The following HDAC9 variants were observed in gnomAD, a reference collection of about 807,000 sequenced individuals.
HDAC9 encodes MEF-2 interacting transcription repressor (MITR) protein.
A neutral mutation model predicts 139.4 loss-of-function variants in HDAC9; 41 were observed. That is an observed-to-expected ratio of 0.29 (90% CI 0.23 to 0.38). The LOEUF (loss-of-function observed/expected upper bound fraction) is 0.38, where lower values mean the gene tolerates loss of function less well. HDAC9 is among the 10% of genes least tolerant of loss of function. HDAC9 has a pLI of 1.00. For missense variants in HDAC9, 1,147 were observed against 1,297.0 expected (o/e 0.88, Z 1.78); for synonymous variants, 517 against 476.2 (o/e 1.09, Z -1.12).
At chr7:18,659,369 T>C (rs963305086) in intron 11 of HDAC9, among the ~76,000 whole-genome samples, 1 of 152,170 alleles carries the variant, frequency 6.6e-6, no homozygotes, top group Non-Finnish European at 1.5e-5. Flanking sequence ...GAATATATGA[T>C]GTTAAACATG....
chr7:18,185,161 A>G (rs954599522), intron 2 of HDAC9, among the ~76,000 whole-genome samples: 2 of 152,244 alleles, frequency 1.3e-5, no homozygotes, highest in Non-Finnish European at 2.9e-5. Flanking sequence ...TTACTTACAG[A>G]CAGTGATCGA....
At chr7:18,714,627 CTTCT>C (rs141104838) in intron 12 of HDAC9, among the ~76,000 whole-genome samples, 1,698 of 152,258 alleles carry the variant, frequency 0.011, 28 homozygotes, top group African/African-American at 0.039. Flanking sequence ...ATGGAACATT[CTTCT>C]TTCTTTCTTT....
At chr7:18,422,551 G>A (rs1231574494) in intron 1 of HDAC9, among the ~76,000 whole-genome samples, 1 of 152,102 alleles carries the variant, frequency 6.6e-6, no homozygotes, top group African/African-American at 2.4e-5. Flanking sequence ...ACTCTATTAG[G>A]CAAGAATGAG....
intron 12 of HDAC9, among the ~76,000 whole-genome samples, chr7:18,685,161 C>G (rs760701973): frequency 3.9e-5 from 6 of 152,032 alleles, no homozygotes; most frequent in Non-Finnish European, 8.8e-5. Flanking sequence ...TAAAAAAAGA[C>G]TGTCAAACAG....
intron 1 of HDAC9, among the ~76,000 whole-genome samples, chr7:18,390,945 C>T (rs547183208): frequency 1.3e-5 from 2 of 152,190 alleles, no homozygotes; most frequent in African/African-American, 4.8e-5. Flanking sequence ...AAAAATTAGC[C>T]AGGCATGGTG....
At chr7:18,979,783 G>C (rs1784779617) in intron 25 of HDAC9, among the ~76,000 whole-genome samples, 1 of 151,972 alleles carries the variant, frequency 6.6e-6, no homozygotes, top group Non-Finnish European at 1.5e-5. Context: ...AGGGGAAGGT[G>C]CCACACACTT....
chr7:18,178,055 T>G, intron 2 of HDAC9, among the ~76,000 whole-genome samples: 2 of 113,610 alleles, frequency 1.8e-5, no homozygotes, highest in African/African-American at 6.8e-5. Flanking sequence ...CTACCTCCCC[T>G]TCCCTCCCGT....
At chr7:18,563,665 C>T (rs890771986) in intron 2 of HDAC9, among the ~76,000 whole-genome samples, 2 of 152,012 alleles carry the variant, frequency 1.3e-5, no homozygotes, top group South Asian at 2.1e-4. Flanking sequence ...AGTATTTGCC[C>T]ATATCATACT....
intron 2 of HDAC9, among the ~76,000 whole-genome samples, chr7:18,526,072 T>C (rs1443013285): frequency 6.6e-6 from 1 of 152,198 alleles, no homozygotes; most frequent in East Asian, 1.9e-4. Context: ...ACATAAATAA[T>C]TATTTCCTTC....
intron 12 of HDAC9, among the ~76,000 whole-genome samples, chr7:18,718,660 T>A (rs1034673950): frequency 6.6e-6 from 1 of 152,254 alleles, no homozygotes; most frequent in African/African-American, 2.4e-5. Flanking sequence ...GTAATTTTTT[T>A]ATCCATTTAT....
At chr7:18,764,392 G>A (rs1014596997) in intron 15 of HDAC9, among the ~76,000 whole-genome samples, 4 of 152,050 alleles carry the variant, frequency 2.6e-5, no homozygotes, top group Non-Finnish European at 4.4e-5. Flanking sequence ...TGTGGGCTAC[G>A]TAAGTACACA....
intron 25 of HDAC9, among the ~76,000 whole-genome samples, chr7:18,991,045 C>G (rs1310369117): frequency 6.6e-6 from 1 of 152,228 alleles, no homozygotes; most frequent in African/African-American, 2.4e-5. Flanking sequence ...GGAGCTGTTC[C>G]TATTCGGCCA....
chr7:18,117,394 G>A (rs1280349324), intron 1 of HDAC9, among the ~76,000 whole-genome samples: 2 of 151,976 alleles, frequency 1.3e-5, no homozygotes, highest in Non-Finnish European at 2.9e-5. Context: ...GCTGAGGCAG[G>A]AGAATCGCGT....
intron 1 of HDAC9, among the ~76,000 whole-genome samples, chr7:18,094,579 AT>A (rs756260474): frequency 4.4e-4 from 66 of 151,702 alleles, no homozygotes; most frequent in Non-Finnish European, 8.5e-4. Context: ...TCACAGGCTC[AT>A]GCCAGCGTAC....
chr7:18,966,153 T>C (rs1017785768), intron 24 of HDAC9, among the ~76,000 whole-genome samples: 11 of 152,274 alleles, frequency 7.2e-5, no homozygotes, highest in Non-Finnish European at 1.3e-4. Flanking sequence ...ATATAATTTT[T>C]ACTTTGAACA....
intron 12 of HDAC9, among the ~76,000 whole-genome samples, chr7:18,673,026 T>C (rs1220177448): frequency 6.6e-6 from 1 of 152,066 alleles, no homozygotes; most frequent in Non-Finnish European, 1.5e-5. Context: ...ATTCCTTTTT[T>C]TCTGGTGCTC....
intron 22 of HDAC9, among the ~76,000 whole-genome samples, chr7:18,876,715 T>TC (rs1295953832): frequency 6.6e-6 from 1 of 151,928 alleles, no homozygotes; most frequent in Admixed American, 6.6e-5. Flanking sequence ...TTTTTTTTTT[T>TC]TTTTAAGACA....
intron 16 of HDAC9, among the ~76,000 whole-genome samples, chr7:18,771,523 A>G (rs1191191777): frequency 2.6e-5 from 4 of 151,032 alleles, no homozygotes; most frequent in African/African-American, 4.9e-5. Flanking sequence ...CCTCTTATTT[A>G]TAAATTTACA....
chr7:18,208,784 T>A (rs1342130341), intron 2 of HDAC9, among the ~76,000 whole-genome samples: 1 of 152,080 alleles, frequency 6.6e-6, no homozygotes, highest in Non-Finnish European at 1.5e-5. Flanking sequence ...AGCTAAATAA[T>A]GAAAATTAAA....
Sources: allele counts gnomAD v4.1 joint callset (sites outside exome capture counted in the v4.1 genomes callset), GRCh38; gene constraint gnomAD v4.1.1; transcripts MANE v1.5; gene names NCBI Gene and HGNC (gene_info 2026-07-23, HGNC 2026-07-21).